Variants in THNSL1 observed in about 807,000 individuals in gnomAD.
The protein encoded by THNSL1 is threonine synthase-like 1.
A neutral mutation model predicts 50.4 loss-of-function variants in THNSL1; 48 were observed. That is an observed-to-expected ratio of 0.95 (90% CI 0.76 to 1.21). THNSL1 has a LOEUF of 1.21. Ranked by LOEUF, THNSL1 falls within the 50% of genes most tolerant of loss-of-function variation. The pLI is 0.00. For missense variants in THNSL1, 896 were observed against 871.7 expected (o/e 1.03, Z -0.35); for synonymous variants, 309 against 306.1 (o/e 1.01, Z -0.10).
At chr10:24,987,424 G>T in the THNSL1 span, among the ~76,000 whole-genome samples, 4 of 152,060 alleles carry the variant, frequency 2.6e-5, no homozygotes, top group East Asian at 7.7e-4. Flanking sequence ...ATTGCTTGAG[G>T]CCAGGAATTT....
chr10:25,024,553 AT>A lies in THNSL1; in HGVS notation c.1331del (p.Ile444LysfsTer22), dbSNP rs753815865. The A allele has an allele frequency of 1.2e-6, 2 of 1,614,210 alleles. No homozygotes were observed. The highest frequency in any genetic ancestry group is 2.2e-5 in the South Asian group (2 of 91,082). On this transcript the variant is annotated frameshift_variant, in exon 3 of 3. Transcript: ENST00000376356. LOFTEE classifies it high-confidence loss of function. ...ESDFDFCQTA[I>X]KRIFNDSDFT... ...AGATTTTGATTTTTGCCAGACAGCTATAAAAAGAATTTTTAATGATTCTGAT... is the reference window on the plus strand; with the variant it reads ...AGATTTTGATTTTTGCCAGACAGCTAAAAAAGAATTTTTAATGATTCTGAT...
chr10:24,995,957 G>T, the THNSL1 span: 1 of 1,037,978 alleles, frequency 9.6e-7, no homozygotes, highest in Non-Finnish European at 1.4e-6. Context: ...TTCACCACTT[G>T]TATATTGAAG....
chr10:24,958,968 G>A, the THNSL1 span, among the ~76,000 whole-genome samples: 1 of 152,182 alleles, frequency 6.6e-6, no homozygotes, highest in Non-Finnish European at 1.5e-5. Flanking sequence ...TCATTGAAAG[G>A]ACACAGCTGC....
the THNSL1 span, among the ~76,000 whole-genome samples, chr10:25,002,762 C>T: frequency 4.5e-3 from 689 of 152,140 alleles, 6 homozygotes; most frequent in Non-Finnish European, 7.6e-3. Context: ...TGCCTCAATC[C>T]TGAACTTAAA....
intron 1 of THNSL1, among the ~76,000 whole-genome samples, chr10:25,020,832 C>T (rs1850705215): frequency 6.6e-6 from 1 of 151,754 alleles, no homozygotes; most frequent in African/African-American, 2.4e-5. Flanking sequence ...TTATGTATTG[C>T]AAACTCAAAA....
the THNSL1 span, among the ~76,000 whole-genome samples, chr10:25,011,275 C>T: frequency 2.6e-5 from 4 of 152,112 alleles, no homozygotes; most frequent in Admixed American, 6.5e-5. Flanking sequence ...GTCCTTTGCC[C>T]ACTTTTTGAT....
At chr10:24,976,148 C>T in the THNSL1 span, among the ~76,000 whole-genome samples, 2 of 152,252 alleles carry the variant, frequency 1.3e-5, no homozygotes, top group East Asian at 3.9e-4. Context: ...CTCCTAAGTA[C>T]CTTTAGCAAG....
chr10:24,971,085 G>A, the THNSL1 span, among the ~76,000 whole-genome samples: 3 of 151,686 alleles, frequency 2.0e-5, no homozygotes, highest in East Asian at 3.9e-4. Context: ...CCATCAAAGA[G>A]GGCACTTTGA....
chr10:24,984,596 A>C, the THNSL1 span: 1 of 1,048,910 alleles, frequency 9.5e-7, no homozygotes, highest in Admixed American at 3.0e-5. Flanking sequence ...TATTCTTTGC[A>C]TATTGCCTAA....
At chr10:24,960,431 T>C in the THNSL1 span, among the ~76,000 whole-genome samples, 1 of 152,010 alleles carries the variant, frequency 6.6e-6, no homozygotes. Flanking sequence ...ATTTTATTTT[T>C]ATTTTTATTT....
chr10:24,984,282 G>T, the THNSL1 span: 1 of 1,423,412 alleles, frequency 7.0e-7, no homozygotes, highest in Non-Finnish European at 9.6e-7. Flanking sequence ...GAAACAATGT[G>T]TTGGAGACAG....
At chr10:25,002,170 T>C in the THNSL1 span, among the ~76,000 whole-genome samples, 1 of 152,206 alleles carries the variant, frequency 6.6e-6, no homozygotes, top group African/African-American at 2.4e-5. Flanking sequence ...GCCCTGTGTA[T>C]TAGGAGGTGT....
At chr10:25,016,071 A>G (rs1316170525), upstream of THNSL1, 1 of 1,405,218 alleles carries the variant, frequency 7.1e-7, no homozygotes, top group Non-Finnish European at 9.3e-7. Context: ...TCTCCTTCAC[A>G]TCGTCCCCCT....
chr10:25,000,685 T>G, the THNSL1 span, among the ~76,000 whole-genome samples: 1 of 152,092 alleles, frequency 6.6e-6, no homozygotes, highest in Non-Finnish European at 1.5e-5. Context: ...GACTTTCTAC[T>G]TGTTGGAGTT....
At chr10:24,963,774 C>T in the THNSL1 span, among the ~76,000 whole-genome samples, 1,548 of 152,124 alleles carry the variant, frequency 0.01, 25 homozygotes, top group African/African-American at 0.033. Context: ...AAAATAAAAA[C>T]GGTAGAAATA....
At chr10:24,995,447 T>A in the THNSL1 span, among the ~76,000 whole-genome samples, 3 of 152,220 alleles carry the variant, frequency 2.0e-5, no homozygotes, top group African/African-American at 4.8e-5. Flanking sequence ...CTGAACTATA[T>A]GGAATTGTTT....
chr10:24,991,581 G>C, the THNSL1 span, among the ~76,000 whole-genome samples: 10 of 152,196 alleles, frequency 6.6e-5, no homozygotes, highest in Non-Finnish European at 1.3e-4. Flanking sequence ...TTTGGCCGGG[G>C]TGGTGGGAGG....
rs180758055 is a variant in THNSL1 at position 25,017,204 on chromosome 10, C to T, written c.-216+512C>T. On this transcript the variant is annotated intron_variant, in intron 1 of 2. Transcript: ENST00000376356. ...TTAAGTGGGCCTTTACGTTTTTGTC[C>T]AGTTTTTGGTGTCCCTTGTTGGAAA... Among the ~76,000 whole-genome samples, 466 of 152,286 alleles carry T rather than the reference C, an allele frequency of 3.1e-3. 2 individuals are homozygous for T. The highest frequency in any genetic ancestry group is 0.011 in the African/African-American group (457 of 41,554).
the THNSL1 span, among the ~76,000 whole-genome samples, chr10:24,961,805 G>A: frequency 6.6e-6 from 1 of 152,142 alleles, no homozygotes; most frequent in African/African-American, 2.4e-5. Flanking sequence ...CTGTGTTTCA[G>A]GGTTTTGGCT....
Sources: allele counts gnomAD v4.1 joint callset (sites outside exome capture counted in the v4.1 genomes callset), GRCh38; gene constraint gnomAD v4.1.1; transcripts MANE v1.5; gene names NCBI Gene and HGNC (gene_info 2026-07-23, HGNC 2026-07-21).